HSD17B12: variants seen among roughly 807,000 people sequenced by gnomAD.
The protein encoded by HSD17B12 is hydroxysteroid 17-beta dehydrogenase 12, also known as very-long-chain 3-oxoacyl-CoA reductase.
A neutral mutation model predicts 39.3 loss-of-function variants in HSD17B12; 32 were observed. The observed-to-expected ratio is 0.81, with a 90% confidence interval of 0.61 to 1.09. The LOEUF (loss-of-function observed/expected upper bound fraction) is 1.09, where lower values mean the gene tolerates loss of function less well. Among genes scored for constraint, HSD17B12 ranks in the 50% least tolerant of loss-of-function variants. The pLI is 0.00. For synonymous variants in HSD17B12, 150 were observed against 146.7 expected (o/e 1.02, Z -0.16); for missense variants, 342 against 382.9 (o/e 0.89, Z 0.89).
intron 1 of HSD17B12, among the ~76,000 whole-genome samples, chr11:43,714,360 G>C (rs1464105999): frequency 6.6e-6 from 1 of 152,144 alleles, no homozygotes; most frequent in Non-Finnish European, 1.5e-5. Context: ...AGTTTTCCCA[G>C]CACCATTTAT....
At chr11:43,632,640 A>C in the HSD17B12 span, among the ~76,000 whole-genome samples, 2 of 152,222 alleles carry the variant, frequency 1.3e-5, no homozygotes, top group Admixed American at 6.5e-5. Context: ...GACTAAAGGA[A>C]AATATTGAGA....
the HSD17B12 span, among the ~76,000 whole-genome samples, chr11:43,563,282 T>C: frequency 3.9e-5 from 6 of 152,126 alleles, no homozygotes; most frequent in Non-Finnish European, 8.8e-5. Context: ...AGTCCAGAGA[T>C]GAGAGAGGCT....
At chr11:43,763,808 C>T (rs1235604604) in intron 3 of HSD17B12, among the ~76,000 whole-genome samples, 1 of 151,824 alleles carries the variant, frequency 6.6e-6, no homozygotes, top group Admixed American at 6.6e-5. Context: ...TAGAAATTGT[C>T]CAGGGCAACC....
intron 1 of HSD17B12, among the ~76,000 whole-genome samples, chr11:43,682,735 T>C (rs1263703037): frequency 6.6e-6 from 1 of 152,046 alleles, no homozygotes; most frequent in Non-Finnish European, 1.5e-5. Flanking sequence ...CAAGATAAAA[T>C]TTGTAATTGG....
chr11:43,628,949 C>G, the HSD17B12 span, among the ~76,000 whole-genome samples: 1 of 152,078 alleles, frequency 6.6e-6, no homozygotes, highest in Non-Finnish European at 1.5e-5. Context: ...AAGAATGTCA[C>G]TCATCCTAAC....
At chr11:43,607,086 A>G in the HSD17B12 span, among the ~76,000 whole-genome samples, 2 of 152,214 alleles carry the variant, frequency 1.3e-5, no homozygotes, top group Non-Finnish European at 2.9e-5. Context: ...AGTATACTCC[A>G]TATAGTATAT....
intron 1 of HSD17B12, among the ~76,000 whole-genome samples, chr11:43,720,423 A>G (rs1051458790): frequency 6.6e-6 from 1 of 152,224 alleles, no homozygotes; most frequent in East Asian, 1.9e-4. Context: ...GTCTTGCCAA[A>G]CATTCCACCA....
At chr11:43,741,829 G>A (rs973500216) in intron 1 of HSD17B12, among the ~76,000 whole-genome samples, 2 of 149,612 alleles carry the variant, frequency 1.3e-5, no homozygotes, top group African/African-American at 4.9e-5. Flanking sequence ...CCCCTCTTGG[G>A]TTCACTCCAT....
chr11:43,730,458 T>C (rs543861957), intron 1 of HSD17B12, among the ~76,000 whole-genome samples: 1 of 152,308 alleles, frequency 6.6e-6, no homozygotes, highest in Non-Finnish European at 1.5e-5. Flanking sequence ...TCCAGCAGGA[T>C]GTTGTATAAC....
chr11:43,823,367 C>T (rs1951201444), intron 6 of HSD17B12, among the ~76,000 whole-genome samples: 1 of 152,070 alleles, frequency 6.6e-6, no homozygotes, highest in Admixed American at 6.6e-5. Context: ...AACTACTGGG[C>T]TCAAGCGATC....
chr11:43,846,355 T>G (rs993966936), intron 9 of HSD17B12, among the ~76,000 whole-genome samples: 3 of 152,196 alleles, frequency 2.0e-5, no homozygotes, highest in African/African-American at 7.2e-5. Context: ...ATTTTACAAA[T>G]AGGAAACAGG....
At chr11:43,843,634 A>G (rs1171937545) in intron 9 of HSD17B12, among the ~76,000 whole-genome samples, 1 of 150,380 alleles carries the variant, frequency 6.6e-6, no homozygotes, top group Non-Finnish European at 1.5e-5. Context: ...CCTTTCCCCA[A>G]CTCCTCTCCA....
intron 3 of HSD17B12, among the ~76,000 whole-genome samples, chr11:43,777,224 C>A (rs1000185330): frequency 7.2e-5 from 11 of 152,206 alleles, no homozygotes; most frequent in African/African-American, 2.7e-4. Context: ...GATATTGGTT[C>A]TTCCCACCCA....
At chr11:43,821,918 A>G (rs369024786) in intron 6 of HSD17B12, among the ~76,000 whole-genome samples, 2 of 151,960 alleles carry the variant, frequency 1.3e-5, no homozygotes, top group African/African-American at 4.8e-5. Flanking sequence ...TAGACTCTTC[A>G]CTCCTTTCCA....
chr11:43,847,675 C>T (rs1951489768), intron 9 of HSD17B12, among the ~76,000 whole-genome samples: 1 of 140,140 alleles, frequency 7.1e-6, no homozygotes, highest in African/African-American at 2.8e-5. Flanking sequence ...TCACTGCACT[C>T]CAGCCTCGGT....
At chr11:43,694,389 T>C (rs1949890859) in intron 1 of HSD17B12, among the ~76,000 whole-genome samples, 1 of 152,114 alleles carries the variant, frequency 6.6e-6, no homozygotes, top group African/African-American at 2.4e-5. Flanking sequence ...GTTGGAGAAT[T>C]TCTCAAATGT....
chr11:43,724,575 G>A (rs1950204553), intron 1 of HSD17B12, among the ~76,000 whole-genome samples: 2 of 152,224 alleles, frequency 1.3e-5, no homozygotes, highest in South Asian at 2.1e-4. Flanking sequence ...TATGGTGAGG[G>A]ACTGTTTCCT....
chr11:43,848,461 C>T (rs1337022305), intron 9 of HSD17B12: 3 of 152,174 alleles, frequency 2.0e-5, no homozygotes, highest in Non-Finnish European at 4.4e-5. Context: ...AAATGGCATT[C>T]TTATGCGTCT....
intron 1 of HSD17B12, among the ~76,000 whole-genome samples, chr11:43,702,862 T>C (rs1469172653): frequency 6.6e-6 from 1 of 152,236 alleles, no homozygotes; most frequent in Non-Finnish European, 1.5e-5. Flanking sequence ...TAGTGTATTT[T>C]ATGTGTGGCC....
Sources: allele counts gnomAD v4.1 joint callset (sites outside exome capture counted in the v4.1 genomes callset), GRCh38; gene constraint gnomAD v4.1.1; transcripts MANE v1.5; gene names NCBI Gene and HGNC (gene_info 2026-07-23, HGNC 2026-07-21).